IQCJ: variants seen among roughly 807,000 people sequenced by gnomAD.
IQCJ encodes IQ domain-containing protein J.
A neutral mutation model predicts 11.0 loss-of-function variants in IQCJ; 9 were observed. The observed-to-expected ratio is 0.82, with a 90% CI of 0.49 to 1.43. IQCJ has a LOEUF of 1.43. IQCJ is among the 40% of genes most tolerant of loss of function. The pLI is 0.00. For synonymous variants in IQCJ, 55 were observed against 51.3 expected (o/e 1.07, Z -0.31); for missense variants, 146 against 133.2 (o/e 1.10, Z -0.47).
At chr3:159,181,470 T>A (rs1257375610) in intron 1 of IQCJ, among the ~76,000 whole-genome samples, 1 of 149,622 alleles carries the variant, frequency 6.7e-6, no homozygotes, top group Non-Finnish European at 1.5e-5. Flanking sequence ...TACCTCTTTA[T>A]CCCTGAGTTG....
At chr3:159,204,825 G>A (rs1434288560) in intron 1 of IQCJ, among the ~76,000 whole-genome samples, 5 of 152,184 alleles carry the variant, frequency 3.3e-5, no homozygotes, top group African/African-American at 1.2e-4. Flanking sequence ...ACAAAACAGG[G>A]AAGTTTCTGA....
chr3:159,118,227 T>C (rs1041064092), intron 1 of IQCJ, among the ~76,000 whole-genome samples: 6 of 151,986 alleles, frequency 3.9e-5, no homozygotes, highest in Non-Finnish European at 5.9e-5. Context: ...ATCAGGCTTG[T>C]TGGAGGGGAG....
intron 1 of IQCJ, among the ~76,000 whole-genome samples, chr3:159,193,988 T>A (rs180728413): frequency 6.6e-6 from 1 of 152,346 alleles, no homozygotes; most frequent in Non-Finnish European, 1.5e-5. Flanking sequence ...GGGGTATAGA[T>A]GTCCAAAAAC....
At chr3:159,103,984 G>A (rs1559986151) in intron 1 of IQCJ, among the ~76,000 whole-genome samples, 1 of 152,210 alleles carries the variant, frequency 6.6e-6, no homozygotes, top group Non-Finnish European at 1.5e-5. Context: ...ATCTAGTGAG[G>A]CAGAGAGAGC....
In IQCJ at chr3:159,211,508, A is replaced by G. The variant is rs150371545; in HGVS notation, c.10-34335A>G. On this transcript the variant is annotated intron_variant, in intron 1 of 3. Coordinates refer to ENST00000397832, the MANE Select transcript of IQCJ (RefSeq NM_001042706.3). The stretch of plus-strand genomic sequence containing the variant: ...TTGGTCACTCTGTAGATGAGGGACA[A>G]GTTGTGCCCACACAGAACAAAATTT... 3.1e-3 allele frequency among the ~76,000 whole-genome samples: 479 copies of G among 152,364 alleles called. 1 individual carries two copies. Among genetic ancestry groups the G allele is most frequent in the African/African-American group, 0.011 (455 of 41,592 alleles).
At chr3:159,238,418 T>A (rs1220388711) in intron 1 of IQCJ, among the ~76,000 whole-genome samples, 1 of 152,200 alleles carries the variant, frequency 6.6e-6, no homozygotes, top group Non-Finnish European at 1.5e-5. Flanking sequence ...GCAGACGATA[T>A]AAAACTACTT....
intron 1 of IQCJ, among the ~76,000 whole-genome samples, chr3:159,169,007 T>A (rs1446727049): frequency 6.8e-6 from 1 of 147,812 alleles, no homozygotes; most frequent in Non-Finnish European, 1.5e-5. Context: ...GATAAATACC[T>A]GCTATTTATT....
chr3:159,216,313 G>C (rs1474314530), intron 1 of IQCJ, among the ~76,000 whole-genome samples: 1 of 152,124 alleles, frequency 6.6e-6, no homozygotes, highest in Non-Finnish European at 1.5e-5. Context: ...ATTTGCTGAA[G>C]TATCTTTCTT....
chr3:159,121,479 G>T (rs866933787), intron 1 of IQCJ, among the ~76,000 whole-genome samples: 1 of 152,066 alleles, frequency 6.6e-6, no homozygotes, highest in African/African-American at 2.4e-5. Flanking sequence ...GGGAAAGAAG[G>T]GGGAAATTAC....
chr3:159,089,016 G>T (rs982128254), intron 1 of IQCJ, among the ~76,000 whole-genome samples: 1 of 151,998 alleles, frequency 6.6e-6, no homozygotes, highest in Non-Finnish European at 1.5e-5. Context: ...TCCTAGTCTC[G>T]ATGGTCTTCA....
chr3:159,092,365 T>G (rs1163587050), intron 1 of IQCJ, among the ~76,000 whole-genome samples: 1 of 151,856 alleles, frequency 6.6e-6, no homozygotes, highest in Non-Finnish European at 1.5e-5. Flanking sequence ...GGACCTTGAT[T>G]GGATCCTGGA....
At chr3:159,234,531 C>CGGT (rs1263545720) in intron 1 of IQCJ, among the ~76,000 whole-genome samples, 1 of 152,078 alleles carries the variant, frequency 6.6e-6, no homozygotes, top group African/African-American at 2.4e-5. Context: ...GGGCCCGGCA[C>CGGT]GGTGATTCAT....
intron 1 of IQCJ, among the ~76,000 whole-genome samples, chr3:159,210,125 G>T (rs897539437): frequency 2.0e-5 from 3 of 152,194 alleles, no homozygotes; most frequent in African/African-American, 7.2e-5. Flanking sequence ...GCCCAACCAA[G>T]GGTGGCCGAT....
chr3:159,220,876 T>TTTGGTTTA (rs1444986315), intron 1 of IQCJ, among the ~76,000 whole-genome samples: 2 of 152,168 alleles, frequency 1.3e-5, no homozygotes, highest in Non-Finnish European at 2.9e-5. Context: ...CAAAGTTTTC[T>TTTGGTTTA]GTCCTCTGGA....
intron 1 of IQCJ, among the ~76,000 whole-genome samples, chr3:159,208,293 C>T (rs1196650904): frequency 6.6e-6 from 1 of 152,184 alleles, no homozygotes; most frequent in African/African-American, 2.4e-5. Flanking sequence ...GAATGCTTTG[C>T]GGTTTCCAAG....
At chr3:159,165,923 C>T (rs1195231585) in intron 1 of IQCJ, among the ~76,000 whole-genome samples, 1 of 151,880 alleles carries the variant, frequency 6.6e-6, no homozygotes, top group African/African-American at 2.4e-5. Context: ...CCACCGCGCC[C>T]GGCCAAAGCA....
At chr3:159,258,496 A>G (rs529940552) in intron 3 of IQCJ, among the ~76,000 whole-genome samples, 1 of 152,262 alleles carries the variant, frequency 6.6e-6, no homozygotes, top group African/African-American at 2.4e-5. Flanking sequence ...AAATCTACCC[A>G]TGTGATAATC....
intron 2 of IQCJ, among the ~76,000 whole-genome samples, chr3:159,249,700 T>C (rs1727480478): frequency 6.6e-6 from 1 of 152,246 alleles, no homozygotes; most frequent in Non-Finnish European, 1.5e-5. Context: ...GGTGCTGATG[T>C]AAATCATCTC....
chr3:159,140,690 A>G lies in IQCJ; in HGVS notation c.9+71249A>G, dbSNP rs182132532. Reference sequence around the variant, plus strand: ...TGTCTCATGAATTTGCTACACAGCAACTGTGAATCATTAGGCATGTTGTTC... The same window carrying G: ...TGTCTCATGAATTTGCTACACAGCAGCTGTGAATCATTAGGCATGTTGTTC... On this transcript the variant is annotated intron_variant, in intron 1 of 3. Transcript: ENST00000397832. 4.4e-3 allele frequency among the ~76,000 whole-genome samples: 664 copies of G among 152,276 alleles called. 4 individuals carry two copies. The highest frequency in any genetic ancestry group is 0.013 in the African/African-American group (544 of 41,568).
Sources: allele counts gnomAD v4.1 joint callset (sites outside exome capture counted in the v4.1 genomes callset), GRCh38; gene constraint gnomAD v4.1.1; transcripts MANE v1.5; gene names NCBI Gene and HGNC (gene_info 2026-07-23, HGNC 2026-07-21).